The following DNAJB11 variants were observed in gnomAD, a reference collection of about 807,000 sequenced individuals.
DNAJB11 encodes DnaJ heat shock protein family (Hsp40) member B11.
DNAJB11 carries 30 observed loss-of-function variants against 47.2 expected under a neutral mutation model. The ratio of observed to expected loss-of-function variants is 0.64; its 90% confidence interval spans 0.48 to 0.86. The LOEUF (loss-of-function observed/expected upper bound fraction) is 0.86, where lower values mean the gene tolerates loss of function less well. DNAJB11 is among the 40% of genes least tolerant of loss of function. DNAJB11 has a pLI of 0.00. For synonymous variants in DNAJB11, 151 were observed against 159.9 expected (o/e 0.94, Z 0.42); for missense variants, 357 against 440.2 (o/e 0.81, Z 1.69).
At position 186,582,055 on chromosome 3, in the gene DNAJB11, G is replaced by A. The variant is rs1171696409; in HGVS notation, c.660G>A (p.Met220Ile). 2 of 1,613,632 alleles carry A rather than the reference G, an allele frequency of 1.2e-6. No homozygotes were observed. Among genetic ancestry groups the A allele is most frequent in the Non-Finnish European group, 1.7e-6 (2 of 1,179,624 alleles). Residue 220 changes from methionine to isoleucine, a missense_variant, in exon 6 of 10, where the codon ATG becomes ATA. Met to Ile is a conservative substitution (Grantham distance 10). Coordinates refer to ENST00000265028, the MANE Select transcript of DNAJB11 (RefSeq NM_016306.6). ...VEIEPGVRDG[M>I]EYPFIGEGEP... ...TAGAGCCTGGGGTGAGAGACGGCAT[G>A]GAGTACCCCTTTATTGGAGAAGGTG...
chr3:186,576,683 C>A (rs1053341804), intron 3 of DNAJB11, among the ~76,000 whole-genome samples: 2 of 152,094 alleles, frequency 1.3e-5, no homozygotes, highest in African/African-American at 4.8e-5. Flanking sequence ...CCATTTAGTG[C>A]TTGGTTGAGG....
chr3:186,574,477 T>G (rs550784680), intron 2 of DNAJB11, among the ~76,000 whole-genome samples: 5 of 152,032 alleles, frequency 3.3e-5, no homozygotes, highest in Non-Finnish European at 5.9e-5. Context: ...AATAAGGGTT[T>G]TTTTTTTTTT....
chr3:186,581,156 G>C (rs1026191517), intron 4 of DNAJB11: 30 of 459,414 alleles, frequency 6.5e-5, no homozygotes, highest in Non-Finnish European at 9.0e-5. Flanking sequence ...TCCAGCTTTA[G>C]AATTTGAGTC....
rs1715484854 is a variant in DNAJB11, at chr3:186,581,509, G to A, written c.595G>A (p.Val199Ile). Residue 199 changes from valine (V) to isoleucine (I), a missense_variant, in exon 5 of 10, where the codon GTC becomes ATC. Transcript: ENST00000265028. The part of the protein sequence containing the change: ...QEVVCDECPN[V>I]KLVNEERTLE... ...GGTGGTCTGCGACGAATGCCCTAAT[G>A]TCAAGTAAGTGAAAGCACCTTCTTT... 1 of 1,610,634 alleles carries A rather than the reference G, an allele frequency of 6.2e-7. No homozygotes were observed.
rs76874803 is a variant in DNAJB11 at position 186,571,739 on chromosome 3, G to A, written c.69-356G>A. 4.0e-3 allele frequency among the ~76,000 whole-genome samples: 611 copies of A among 152,280 alleles called. 46 individuals are homozygous for A. The East Asian group carries it at 0.1, about 25-fold the overall frequency. On this transcript the variant is annotated intron_variant, in intron 1 of 9. Coordinates refer to ENST00000265028, the MANE Select transcript of DNAJB11 (RefSeq NM_016306.6). ...ATTTGGAGCCAGTATAGGGAAAGGG[G>A]GGAAGAGTTAATTTGATTATATGGT...
In DNAJB11 at chr3:186,577,782, T is replaced by C. The variant is rs372686591; in HGVS notation, c.438T>C (p.Tyr146=). The change falls in exon 4 of 10, where the codon TAT becomes TAC. Residue 146 remains tyrosine (Y), a synonymous_variant. Coordinates refer to ENST00000265028, the MANE Select transcript of DNAJB11 (RefSeq NM_016306.6). ...VDLEVTLEEV[Y]AGNFVEVVRN... ...TAGAAGTCACTTTGGAAGAAGTATATGCAGGAAATTTTGTGGAAGTAAGTT... is the reference window on the plus strand; with the variant it reads ...TAGAAGTCACTTTGGAAGAAGTATACGCAGGAAATTTTGTGGAAGTAAGTT... 2.5e-6 allele frequency: 4 copies of C among 1,601,448 alleles called. No homozygotes were observed. Among genetic ancestry groups the C allele is most frequent in the Non-Finnish European group, 3.4e-6 (4 of 1,175,814 alleles).
intron 4 of DNAJB11, chr3:186,578,493 T>C (rs1715374621): frequency 6.6e-6 from 1 of 152,244 alleles, no homozygotes; most frequent in South Asian, 2.1e-4. Context: ...CTGATGCTTC[T>C]ACATGCAATT....
Position 186,585,490 on chromosome 3 carries a change from GT to G in DNAJB11, c.*87del. On this transcript the variant is annotated 3_prime_UTR_variant, in exon 10 of 10. Coordinates refer to ENST00000265028, the MANE Select transcript of DNAJB11 (RefSeq NM_016306.6). ...GCAAGGTTTTTTTGTGTGTGTTTTT[GT>G]TTTTATTTTCAATATGCAAGTTAGG... is the stretch of plus-strand genomic sequence containing the variant. The G allele has an allele frequency of 8.9e-7, 1 of 1,129,760 alleles. No individual in the cohort carries two copies. 70.0% of individuals were successfully genotyped at this position (1,129,760 alleles called of 1,614,324 possible).
intron 6 of DNAJB11, among the ~76,000 whole-genome samples, 192 bp from the exon 7 acceptor site, chr3:186,582,524 C>A (rs1398817293): frequency 6.6e-6 from 1 of 152,298 alleles, no homozygotes; most frequent in East Asian, 1.9e-4. Context: ...AAGTTATGTA[C>A]TGCTGTATCT....
chr3:186,580,282 T>G (rs1460790123), intron 4 of DNAJB11: 1 of 152,232 alleles, frequency 6.6e-6, no homozygotes, highest in Non-Finnish European at 1.5e-5. Flanking sequence ...AATTCTTTTT[T>G]TCCTTGTTTT....
Position 186,581,527 on chromosome 3 carries a change from C to T in DNAJB11, c.599+14C>T. The T allele has an allele frequency of 2.5e-6, 4 of 1,610,470 alleles. No individual in the cohort carries two copies. Among genetic ancestry groups the T allele is most frequent in the South Asian group, 1.1e-5 (1 of 90,796 alleles). On this transcript the variant is annotated intron_variant, in intron 5 of 9. Coordinates refer to ENST00000265028, the MANE Select transcript of DNAJB11 (RefSeq NM_016306.6). ...CCCTAATGTCAAGTAAGTGAAAGCA[C>T]CTTCTTTGTTCTACCAAGAAACACT...
At chr3:186,581,287 A>C (rs1194839204) in intron 4 of DNAJB11, 84 bp from the exon 5 acceptor site, 2 of 1,491,822 alleles carry the variant, frequency 1.3e-6, no homozygotes, top group Admixed American at 3.8e-5. Flanking sequence ...CAGTCCAGGC[A>C]TATGTGCAGA....
At chr3:186,582,850 C>T in intron 7 of DNAJB11, 77 bp downstream of exon 7, 1 of 1,040,986 alleles carries the variant, frequency 9.6e-7, no homozygotes. Flanking sequence ...AGCAGTTAGA[C>T]TTTTTTCTCT....
At chr3:186,584,611 GTGTGTGTGTGTTTGTGTGTGTGTA>G (rs1715612552) in intron 9 of DNAJB11, 22 bp downstream of exon 9, 2 of 1,513,550 alleles carry the variant, frequency 1.3e-6, no homozygotes, top group Non-Finnish European at 1.8e-6. Flanking sequence ...TAGTGTGTGT[GTGTGTGTGTGTTTGTGTGTGTGTA>G]TGTGTGTGTG....
intron 7 of DNAJB11, among the ~76,000 whole-genome samples, chr3:186,583,307 A>G (rs1454278509): frequency 6.6e-6 from 1 of 152,240 alleles, no homozygotes; most frequent in African/African-American, 2.4e-5. Flanking sequence ...TCCCACCAGA[A>G]TATGGAGAAA....
At chr3:186,579,578 T>G (rs1017783790) in intron 4 of DNAJB11, 1 of 152,268 alleles carries the variant, frequency 6.6e-6, no homozygotes, top group Admixed American at 6.5e-5. Flanking sequence ...CAGTTTGTTG[T>G]CTTTTGTGGG....
intron 2 of DNAJB11, among the ~76,000 whole-genome samples, chr3:186,575,375 G>A (rs1715248927): frequency 1.3e-5 from 2 of 149,404 alleles, no homozygotes; most frequent in East Asian, 1.9e-4. Flanking sequence ...GCGCGTGTGT[G>A]TGTGTGTGTG....
Position 186,581,497 on chromosome 3 carries a change from G to A in DNAJB11, c.583G>A (p.Glu195Lys), listed in dbSNP as rs1291035657. The A allele has an allele frequency of 5.0e-6, 8 of 1,613,056 alleles. No homozygotes were observed. The highest frequency in any genetic ancestry group is 2.2e-5 in the South Asian group (2 of 91,008). Residue 195 changes from glutamate to lysine, a missense_variant, in exon 5 of 10, where the codon GAA (glutamate) becomes AAA (lysine). Physicochemically the swap from Glu to Lys is moderately conservative, Grantham distance 56. Transcript: ENST00000265028. ...AATGACCCAGGAGGTGGTCTGCGACGAATGCCCTAATGTCAAGTAAGTGAA... is the reference window on the plus strand; with the variant it reads ...AATGACCCAGGAGGTGGTCTGCGACAAATGCCCTAATGTCAAGTAAGTGAA... ...FQMTQEVVCD[E>K]CPNVKLVNEE...
intron 5 of DNAJB11, 62 bp from the exon 6 acceptor site, chr3:186,581,932 TA>T: frequency 7.4e-7 from 1 of 1,347,866 alleles, no homozygotes. Context: ...TAACTTTATC[TA>T]TATCTGATGT....
Sources: allele counts gnomAD v4.1 joint callset (sites outside exome capture counted in the v4.1 genomes callset), GRCh38; gene constraint gnomAD v4.1.1; transcripts MANE v1.5; gene names NCBI Gene and HGNC (gene_info 2026-07-23, HGNC 2026-07-21).